MUC22: variants seen among roughly 807,000 people sequenced by gnomAD.
The protein encoded by MUC22 is mucin 22, also known as mucin-22.
Under a neutral mutation model 40.3 loss-of-function variants are expected in MUC22, and 24 were observed. The observed-to-expected ratio is 0.60, with a 90% CI of 0.43 to 0.84. The LOEUF (loss-of-function observed/expected upper bound fraction) is 0.84, where lower values mean the gene tolerates loss of function less well. Among genes scored for constraint, MUC22 ranks in the 40% least tolerant of loss-of-function variants. The pLI is 0.00. For synonymous variants in MUC22, 765 were observed against 844.5 expected, an observed-to-expected ratio of 0.91 and a Z score of 1.63; for missense variants, 1,926 against 2,130.7, an observed-to-expected ratio of 0.90 and a Z score of 1.89.
chr6:31,033,587 AC>A (rs1216707099), intron 3 of MUC22, among the ~76,000 whole-genome samples: 1 of 152,190 alleles, frequency 6.6e-6, no homozygotes, highest in African/African-American at 2.4e-5. Flanking sequence ...CGGGTAAGTT[AC>A]CATTTGAGGA....
chr6:31,007,370 G>A (rs958147371), upstream of MUC22, among the ~76,000 whole-genome samples: 2 of 152,152 alleles, frequency 1.3e-5, no homozygotes, highest in Non-Finnish European at 2.9e-5. The surrounding 1 kb of genome is among the most constrained non-coding windows in gnomAD (Gnocchi z 4.0). Context: ...GTCCGTTTGT[G>A]GGAAAATGGG....
chr6:31,022,999 G>A (rs9394030), intron 1 of MUC22, among the ~76,000 whole-genome samples: 33,709 of 151,828 alleles, frequency 0.22, 3,969 homozygotes, highest in East Asian at 0.39. Context: ...GCGTGGTGGC[G>A]CATGCCTGTG....
intron 1 of MUC22, among the ~76,000 whole-genome samples, chr6:31,019,825 G>C (rs1462111060): frequency 1.3e-5 from 2 of 152,198 alleles, no homozygotes; most frequent in African/African-American, 4.8e-5. Context: ...CTGCACTCCA[G>C]CCTGGGTGAC....
At chr6:31,016,669 C>T (rs879447516) in intron 1 of MUC22, among the ~76,000 whole-genome samples, 3 of 152,266 alleles carry the variant, frequency 2.0e-5, no homozygotes, top group African/African-American at 7.2e-5. Context: ...GGAGCCTCCT[C>T]GGCCTCGCCA....
In MUC22 at chr6:31,034,773, A is replaced by AT. The variant is rs1158947550; in HGVS notation, c.5159dup (p.His1721ProfsTer14). On this transcript the variant is annotated frameshift_variant, in exon 4 of 4. Coordinates refer to ENST00000561890, the Ensembl canonical transcript of MUC22. LOFTEE classifies it low-confidence loss of function (END_TRUNC). ...TGAACTTGGGCCTGGGCTCTGGGACATTCCACAGCCTGGGAAATGCACTGG... is the reference window on the plus strand; with the variant it reads ...TGAACTTGGGCCTGGGCTCTGGGACATTTCCACAGCCTGGGAAATGCACTGG... The AT allele has an allele frequency of 1.3e-6, 2 of 1,535,754 alleles. No homozygotes were observed. The highest frequency in any genetic ancestry group is 1.7e-6 in the Non-Finnish European group (2 of 1,146,912).
chr6:31,025,384 C>A, intron 1 of MUC22, 118 bp from the exon 2 acceptor site: 1 of 1,221,454 alleles, frequency 8.2e-7, no homozygotes, highest in Non-Finnish European at 1.1e-6. Context: ...GTTAAGCCCT[C>A]AATAACTGAA....
At chr6:31,027,083 T>A in exon 2 of MUC22, 3 of 1,493,368 alleles carry the variant, frequency 2.0e-6, no homozygotes, top group East Asian at 2.5e-5. Flanking sequence ...GCATCCACCA[T>A]GGGCTCTGAG....
At chr6:31,024,600 T>C (rs1486520437) in intron 1 of MUC22, among the ~76,000 whole-genome samples, 2 of 152,224 alleles carry the variant, frequency 1.3e-5, no homozygotes, top group Non-Finnish European at 1.5e-5. Flanking sequence ...AATGTGGGCT[T>C]ATGTTCTTGT....
intron 1 of MUC22, among the ~76,000 whole-genome samples, chr6:31,018,202 G>A (rs1442182429): frequency 9.0e-6 from 1 of 111,514 alleles, no homozygotes; most frequent in African/African-American, 3.6e-5. Flanking sequence ...TTTGGTTTCA[G>A]TATCTCCAGA....
In MUC22 at chr6:31,011,350, C is replaced by T. The variant is rs901105606; in HGVS notation, c.70+574C>T. Among the ~76,000 whole-genome samples, 8 of 151,932 alleles carry T rather than the reference C, an allele frequency of 5.3e-5. No homozygotes were observed. Among genetic ancestry groups the T allele is most frequent in the Non-Finnish European group, 1.2e-4 (8 of 67,884 alleles). ...AGTCTTTTATCTCTCGTGCCTCCCC[C>T]GTCCTTCCTCCCTAGTGCCCAAAGT... On this transcript the variant is annotated intron_variant, in intron 1 of 3. Coordinates refer to ENST00000561890, the Ensembl canonical transcript of MUC22. This position sits in a 1 kb window ranked among gnomAD's most constrained non-coding sequence, Gnocchi z 4.5.
chr6:31,022,743 C>G (rs551387599), intron 1 of MUC22, among the ~76,000 whole-genome samples: 3 of 151,968 alleles, frequency 2.0e-5, no homozygotes, highest in Non-Finnish European at 2.9e-5. Flanking sequence ...GGGAGGTAGA[C>G]AGTGATAAAG....
At chr6:31,022,093 A>G (rs906765510) in intron 1 of MUC22, among the ~76,000 whole-genome samples, 1 of 152,130 alleles carries the variant, frequency 6.6e-6, no homozygotes, top group Non-Finnish European at 1.5e-5. Context: ...CAGCGAGAGC[A>G]CAAACCCACC....
intron 1 of MUC22, among the ~76,000 whole-genome samples, chr6:31,013,007 G>A (rs1763955780): frequency 6.6e-6 from 1 of 151,898 alleles, no homozygotes; most frequent in African/African-American, 2.4e-5. Context: ...GGATGGCGTG[G>A]GTTCTTCAGA....
intron 1 of MUC22, among the ~76,000 whole-genome samples, chr6:31,021,050 C>T (rs1240279037): frequency 2.0e-5 from 3 of 152,224 alleles, no homozygotes; most frequent in African/African-American, 4.8e-5. Context: ...CGATGAGCGC[C>T]GCCCCCTGCT....
intron 1 of MUC22, among the ~76,000 whole-genome samples, chr6:31,021,993 G>A (rs9262528): frequency 0.15 from 22,055 of 151,924 alleles, 1,771 homozygotes; most frequent in African/African-American, 0.19. Flanking sequence ...GCGAGCCCAC[G>A]AGCCCACTGA....
chr6:31,009,635 G>A (rs149720995), upstream of MUC22, among the ~76,000 whole-genome samples: 62 of 152,260 alleles, frequency 4.1e-4, no homozygotes, highest in East Asian at 5.0e-3. Flanking sequence ...GCTTATACCC[G>A]TATCCTCATT....
rs533602355 is a variant in MUC22 at position 31,024,397 on chromosome 6, A to ATCAGGTTACCAAGTAACTTCCAAAT, written c.71-1105_71-1104insTCAGGTTACCAAGTAACTTCCAAAT. Among the ~76,000 whole-genome samples, 439 of 151,832 alleles carry ATCAGGTTACCAAGTAACTTCCAAAT rather than the reference A, an allele frequency of 2.9e-3. 9 individuals carry two copies. In the South Asian group the frequency reaches 0.043, roughly 15 times the overall value. On this transcript the variant is annotated intron_variant, in intron 1 of 3. Transcript: ENST00000561890. ...ATAAAGTATTGAAGGATAATGAGAC[A>ATCAGGTTACCAAGTAACTTCCAAAT]GATTCAGGGAAAAGGGTTCTTTGTG... is the stretch of plus-strand genomic sequence containing the variant.
Position 31,028,017 on chromosome 6 carries a change from T to C in MUC22, c.2586T>C (p.Asp862=), listed in dbSNP as rs1182613270. ...AGAACACCACAGCATCTACTGCAGA[T>C]TCTGAGACCACCTCAGCCTCTACTA... is the stretch of plus-strand genomic sequence containing the variant. The change falls in exon 2 of 4, where the codon GAT becomes GAC. Residue 862 remains aspartate (D), a synonymous_variant. Coordinates refer to ENST00000561890, the Ensembl canonical transcript of MUC22. 4.6e-6 allele frequency: 7 copies of C among 1,517,856 alleles called. No individual in the cohort carries two copies. The Admixed American group carries it at 1.0e-4, about 22-fold the overall frequency. The allele number at this position is 1,517,856 out of a possible 1,614,324, so 94.0% of individuals were successfully genotyped here.
chr6:31,025,738 A>T (rs1337038684), exon 2 of MUC22: 1 of 1,529,084 alleles, frequency 6.5e-7, no homozygotes, highest in Non-Finnish European at 8.8e-7. Context: ...AGACTCAGGG[A>T]CTACTATAGC....
Sources: allele counts gnomAD v4.1 joint callset (sites outside exome capture counted in the v4.1 genomes callset), GRCh38; gene constraint gnomAD v4.1.1; non-coding constraint Gnocchi (gnomAD v3.1); transcripts MANE v1.5; gene names NCBI Gene and HGNC (gene_info 2026-07-23, HGNC 2026-07-21).